The following DLGAP4 variants were observed in gnomAD, a reference collection of about 807,000 sequenced individuals.
DLGAP4 encodes the protein DLG associated protein 4, also known as disks large-associated protein 4.
In DLGAP4, 18 loss-of-function variants were observed where a neutral mutation model predicts 86.9. The observed-to-expected ratio is 0.21, with a 90% CI of 0.14 to 0.31. The LOEUF (loss-of-function observed/expected upper bound fraction) is 0.31. DLGAP4 is among the 10% of genes least tolerant of loss of function. The probability of loss-of-function intolerance (pLI) is 1.00; values close to 1 mark genes in which losing one functional copy is unlikely to be tolerated. For missense variants in DLGAP4, 1,085 were observed against 1,362.6 expected (o/e 0.80, Z 3.21); for synonymous variants, 548 against 574.3 (o/e 0.95, Z 0.65).
intron 1 of DLGAP4, among the ~76,000 whole-genome samples, chr20:36,310,573 T>C (rs1209105238): frequency 2.0e-5 from 3 of 152,296 alleles, no homozygotes; most frequent in African/African-American, 7.2e-5. Flanking sequence ...TCTTGGGGCA[T>C]CTGGTGGGCT....
rs2065066427 is a variant in DLGAP4, at chr20:36,312,996, T to C, written c.-304+6484T>C. 3.9e-5 allele frequency among the ~76,000 whole-genome samples: 6 copies of C among 152,010 alleles called. No homozygotes were observed. In the South Asian group the frequency reaches 1.2e-3, roughly 32 times the overall value. On this transcript the variant is annotated intron_variant, in intron 1 of 12. Transcript: ENST00000339266. ...ACTTGGTGGGAGTAGAGGTGGGAGT[T>C]TGGTTTCTGAGTCTTTCCCGGCTTA...
At chr20:36,519,882 C>G (rs1377169066) in intron 10 of DLGAP4, among the ~76,000 whole-genome samples, 2 of 152,084 alleles carry the variant, frequency 1.3e-5, no homozygotes, top group Non-Finnish European at 2.9e-5. Flanking sequence ...CCTTGACCTT[C>G]TGGGCTCAAG....
intron 1 of DLGAP4, among the ~76,000 whole-genome samples, chr20:36,341,171 C>T (rs1393010605): frequency 6.6e-6 from 1 of 152,218 alleles, no homozygotes; most frequent in Non-Finnish European, 1.5e-5. Context: ...CTGCTCCCCA[C>T]CTCAGGACCT....
At chr20:36,404,368 T>C (rs1323868623) in intron 2 of DLGAP4, among the ~76,000 whole-genome samples, 1 of 152,140 alleles carries the variant, frequency 6.6e-6, no homozygotes, top group Non-Finnish European at 1.5e-5. Flanking sequence ...CAGAGGCCTG[T>C]GGTCACCCCC....
chr20:36,468,995 T>A (rs977795246), intron 7 of DLGAP4, among the ~76,000 whole-genome samples: 1 of 152,232 alleles, frequency 6.6e-6, no homozygotes, highest in Non-Finnish European at 1.5e-5. Context: ...TTAGTTTGTT[T>A]TGATTTGCAG....
At chr20:36,379,988 C>G (rs1026007566) in intron 2 of DLGAP4, among the ~76,000 whole-genome samples, 1 of 152,110 alleles carries the variant, frequency 6.6e-6, no homozygotes, top group Non-Finnish European at 1.5e-5. Flanking sequence ...TTGAGACCAG[C>G]CTGGGCAACA....
rs1244260783 is a variant in DLGAP4 at position 36,468,664 on chromosome 20, G to T, written c.1648+21727G>T. On this transcript the variant is annotated intron_variant, in intron 7 of 12. Transcript: ENST00000339266. ...TGCCTCCAGCAAACACCCAGCATCTGTATGCCAGTTTGCTTTGGCAGATAC... is the reference window on the plus strand; with the variant it reads ...TGCCTCCAGCAAACACCCAGCATCTTTATGCCAGTTTGCTTTGGCAGATAC... Among the ~76,000 whole-genome samples, 3 of 152,380 alleles carry T rather than the reference G, an allele frequency of 2.0e-5. No homozygotes were observed. In the East Asian group the frequency reaches 5.8e-4, roughly 29 times the overall value.
chr20:36,527,057 T>TTTAAATCATTA lies in DLGAP4; in HGVS notation c.*27_*37dup. 1 of 1,561,320 alleles carries TTTAAATCATTA rather than the reference T, an allele frequency of 6.4e-7. No individual in the cohort carries two copies. The highest frequency in any genetic ancestry group is 2.1e-5 in the Admixed American group (1 of 48,134). ...GACCATGCAGGAGGAAAGAAACGAT[T>TTTAAATCATTA]TTAAATCATTAAAAACACAAAAACT... On this transcript the variant is annotated 3_prime_UTR_variant, in exon 13 of 13. Transcript: ENST00000339266.
At chr20:36,498,533 A>G (rs1373258641) in intron 8 of DLGAP4, 1 of 152,368 alleles carries the variant, frequency 6.6e-6, no homozygotes, top group African/African-American at 2.4e-5. Context: ...TGGGCGTCCC[A>G]TTCCCTGGAT....
At chr20:36,487,798 G>A (rs1259279526) in intron 7 of DLGAP4, among the ~76,000 whole-genome samples, 1 of 152,110 alleles carries the variant, frequency 6.6e-6, no homozygotes, top group Non-Finnish European at 1.5e-5. Context: ...ATTGGCATGG[G>A]CCCACCCCAA....
In DLGAP4 at chr20:36,350,677, C is replaced by T. The variant is rs1172842775; in HGVS notation, c.-303-16368C>T. On this transcript the variant is annotated intron_variant, in intron 1 of 12. Coordinates refer to ENST00000339266, the MANE Select transcript of DLGAP4 (RefSeq NM_001365621.2). The surrounding 1 kb of genome is among the most constrained non-coding windows in gnomAD (Gnocchi z 4.4). ...TTCCAAAAAGTATCAGCCCAGGCCT[C>T]TGCACACAGTAGGTGATCACAAAGT... Among the ~76,000 whole-genome samples, 1 of 152,246 alleles carries T rather than the reference C, an allele frequency of 6.6e-6. No homozygotes were observed. Among genetic ancestry groups the T allele is most frequent in the East Asian group, 1.9e-4 (1 of 5,198 alleles).
At chr20:36,379,446 A>T (rs1243802443) in intron 2 of DLGAP4, among the ~76,000 whole-genome samples, 6 of 152,228 alleles carry the variant, frequency 3.9e-5, no homozygotes, top group Admixed American at 3.3e-4. Flanking sequence ...GGATGAGCAG[A>T]GAGCATCTCA....
At chr20:36,492,802 C>G (rs1296198238) in intron 7 of DLGAP4, 1 of 152,202 alleles carries the variant, frequency 6.6e-6, no homozygotes, top group Non-Finnish European at 1.5e-5. Context: ...GGTTGGCTTC[C>G]GTTTTCTGAT....
chr20:36,404,171 T>C (rs930301669), intron 2 of DLGAP4, among the ~76,000 whole-genome samples: 1 of 152,216 alleles, frequency 6.6e-6, no homozygotes, highest in African/African-American at 2.4e-5. Flanking sequence ...AAATCTTGAC[T>C]GTACCTTCCA....
chr20:36,519,527 G>A (rs1402232805), intron 10 of DLGAP4, among the ~76,000 whole-genome samples: 2 of 152,044 alleles, frequency 1.3e-5, no homozygotes, highest in African/African-American at 4.8e-5. Flanking sequence ...CTACCTTTTG[G>A]CTACTGTGAG....
At chr20:36,486,982 C>T (rs1344193218) in intron 7 of DLGAP4, among the ~76,000 whole-genome samples, 3 of 152,134 alleles carry the variant, frequency 2.0e-5, no homozygotes, top group Non-Finnish European at 2.9e-5. Context: ...TAAAAACTGT[C>T]AGGGTTCCAA....
chr20:36,403,187 C>T (rs2032213780), intron 2 of DLGAP4, among the ~76,000 whole-genome samples: 1 of 152,120 alleles, frequency 6.6e-6, no homozygotes, highest in Non-Finnish European at 1.5e-5. Flanking sequence ...GCTGGGAAGT[C>T]CAAGTCAAGG....
intron 2 of DLGAP4, among the ~76,000 whole-genome samples, chr20:36,416,912 G>A (rs537084990): frequency 1.3e-5 from 2 of 152,282 alleles, no homozygotes; most frequent in Admixed American, 6.5e-5. Flanking sequence ...GGCTCTGTCT[G>A]ACTACCTCAT....
At chr20:36,427,319 A>G (rs2033001922) in intron 2 of DLGAP4, among the ~76,000 whole-genome samples, 1 of 151,992 alleles carries the variant, frequency 6.6e-6, no homozygotes, top group Non-Finnish European at 1.5e-5. Flanking sequence ...TGTACTAAAA[A>G]TTACAAAAAT....
Sources: allele counts gnomAD v4.1 joint callset (sites outside exome capture counted in the v4.1 genomes callset), GRCh38; gene constraint gnomAD v4.1.1; non-coding constraint Gnocchi (gnomAD v3.1); transcripts MANE v1.5; gene names NCBI Gene and HGNC (gene_info 2026-07-23, HGNC 2026-07-21).